SZRD1: variants seen among roughly 807,000 people sequenced by gnomAD.
SZRD1 encodes SUZ RNA binding domain containing 1, also known as SUZ RNA-binding domain-containing.
Under a neutral mutation model 17.6 loss-of-function variants are expected in SZRD1, and 7 were observed. The ratio of observed to expected loss-of-function variants is 0.40; its 90% confidence interval spans 0.23 to 0.75. SZRD1 has a LOEUF of 0.75. SZRD1 is among the 30% of genes least tolerant of loss of function. The pLI is 0.38. For synonymous variants in SZRD1, 77 were observed against 77.9 expected, an observed-to-expected ratio of 0.99 and a Z score of 0.06; for missense variants, 178 against 201.8, an observed-to-expected ratio of 0.88 and a Z score of 0.71.
intron 1 of SZRD1, among the ~76,000 whole-genome samples, chr1:16,390,816 A>G (rs115278510): frequency 1.5e-3 from 235 of 152,230 alleles, no homozygotes; most frequent in African/African-American, 5.5e-3. Context: ...TGCAGGATCA[A>G]TGGGAGTTTG....
intron 1 of SZRD1, among the ~76,000 whole-genome samples, chr1:16,372,128 CTTTTTT>C (rs899042213): frequency 6.8e-6 from 1 of 148,110 alleles, no homozygotes; most frequent in East Asian, 2.0e-4. Context: ...TTTTCTTTTT[CTTTTTT>C]TTTTGAGACA....
intron 1 of SZRD1, among the ~76,000 whole-genome samples, chr1:16,374,492 C>T (rs1166875635): frequency 3.3e-5 from 5 of 152,174 alleles, no homozygotes; most frequent in East Asian, 1.9e-4. Flanking sequence ...CCATGGTTGC[C>T]GTGGGCTAGA....
chr1:16,376,592 G>C lies in SZRD1; in HGVS notation c.51+9284G>C, dbSNP rs60244051. 1.4e-3 allele frequency among the ~76,000 whole-genome samples: 217 copies of C among 152,216 alleles called. 1 individual carries two copies. The highest frequency in any genetic ancestry group is 4.8e-3 in the African/African-American group (198 of 41,542). The stretch of plus-strand genomic sequence containing the variant: ...GGGCCGAGGCAGGCGGATCACTTGA[G>C]GTCAGGAGTTCCAGATCAGCCTGGC... On this transcript the variant is annotated intron_variant, in intron 1 of 3. Coordinates refer to ENST00000401088, the MANE Select transcript of SZRD1 (RefSeq NM_001114600.3).
intron 1 of SZRD1, chr1:16,387,766 A>G: frequency 2.2e-6 from 1 of 449,320 alleles, no homozygotes. Context: ...CTTTAAAACA[A>G]GAAGTTACTT....
In SZRD1 at chr1:16,397,988, C is replaced by G. The variant is rs2085341164; in HGVS notation, c.*2848C>G. 21 of 787,726 alleles carry G rather than the reference C, an allele frequency of 2.7e-5. No homozygotes were observed. The highest frequency in any genetic ancestry group is 3.1e-5 in the Non-Finnish European group (20 of 650,004). 48.8% of individuals were successfully genotyped at this position (787,726 alleles called of 1,614,324 possible). On this transcript the variant is annotated 3_prime_UTR_variant, in exon 4 of 4. Transcript: ENST00000401088. The surrounding 1 kb of genome is among the most constrained non-coding windows in gnomAD (Gnocchi z 5.4). ...CACATGGGCCCCTTGGGTGTCTGAACAGAAGGGCATGGGAGGGAGGGCTGC... is the reference window on the plus strand; with the variant it reads ...CACATGGGCCCCTTGGGTGTCTGAAGAGAAGGGCATGGGAGGGAGGGCTGC...
rs1310322021 is a variant in SZRD1, at chr1:16,373,539, A to G, written c.51+6231A>G. ...GGTTGCGGTGAGCCGAGATTGCACC[A>G]TTGCACTCCAGCCTGGGCAACAAGA... On this transcript the variant is annotated intron_variant, in intron 1 of 3. Transcript: ENST00000401088. Among the ~76,000 whole-genome samples the G allele has an allele frequency of 2.1e-5, 3 of 145,988 alleles. No homozygotes were observed. The East Asian group carries it at 6.3e-4, about 30-fold the overall frequency.
At chr1:16,369,270 G>C (rs775580794) in intron 1 of SZRD1, 1 of 642,998 alleles carries the variant, frequency 1.6e-6, no homozygotes, top group Admixed American at 2.5e-5. Context: ...TATATGTTTT[G>C]GTGAGATATT....
At chr1:16,395,002 C>T in intron 3 of SZRD1, 36 bp from the exon 4 acceptor site, 1 of 1,198,274 alleles carries the variant, frequency 8.3e-7, no homozygotes, top group Non-Finnish European at 1.2e-6. Flanking sequence ...CTATTATATC[C>T]TTCTTCAGGC....
chr1:16,371,447 T>TC (rs2082911527), intron 1 of SZRD1, among the ~76,000 whole-genome samples: 1 of 141,268 alleles, frequency 7.1e-6, no homozygotes, highest in African/African-American at 2.7e-5. Context: ...TCCTTTTTTT[T>TC]CCTTTTTTTT....
At chr1:16,380,142 G>A (rs888117515) in intron 1 of SZRD1, among the ~76,000 whole-genome samples, 4 of 152,068 alleles carry the variant, frequency 2.6e-5, no homozygotes, top group African/African-American at 9.7e-5. Flanking sequence ...ACAGATTAAG[G>A]GTTTTAGAAA....
chr1:16,367,848 C>A (rs1319149206), intron 1 of SZRD1: 5 of 152,810 alleles, frequency 3.3e-5, no homozygotes, highest in African/African-American at 1.2e-4. Flanking sequence ...GTGGACGAGT[C>A]GGGTTTTTTT....
At chr1:16,367,404 AG>A in intron 1 of SZRD1, 96 bp downstream of exon 1, 2 of 1,241,526 alleles carry the variant, frequency 1.6e-6, no homozygotes, top group Non-Finnish European at 2.2e-6. Flanking sequence ...TCCCCAAGGA[AG>A]GGCCCCATAC....
chr1:16,374,454 C>A lies in SZRD1; in HGVS notation c.51+7146C>A, dbSNP rs546352628. Among the ~76,000 whole-genome samples, 13 of 152,326 alleles carry A rather than the reference C, an allele frequency of 8.5e-5. 1 individual carries two copies. The South Asian group carries it at 2.3e-3, about 27-fold the overall frequency. On this transcript the variant is annotated intron_variant, in intron 1 of 3. Transcript: ENST00000401088. ...TTGGCTGCATGGGAGGGCCTGTTCC[C>A]AGCGTGCTCTGGGTATCAAGAGAGC... is the stretch of plus-strand genomic sequence containing the variant.
At chr1:16,386,742 G>T (rs761045389) in intron 1 of SZRD1, among the ~76,000 whole-genome samples, 1 of 152,096 alleles carries the variant, frequency 6.6e-6, no homozygotes, top group Non-Finnish European at 1.5e-5. Context: ...ATCCCATTCT[G>T]TAATCTTATG....
chr1:16,385,404 G>A (rs1448612098), intron 1 of SZRD1, among the ~76,000 whole-genome samples: 1 of 152,116 alleles, frequency 6.6e-6, no homozygotes, highest in Non-Finnish European at 1.5e-5. Flanking sequence ...GTCCCCCAGG[G>A]CATCATCACC....
intron 1 of SZRD1, 46 bp downstream of exon 1, chr1:16,367,354 C>T (rs1472703952): frequency 6.6e-7 from 1 of 1,517,908 alleles, no homozygotes; most frequent in Admixed American, 2.0e-5. Flanking sequence ...CGAGACCTGG[C>T]GTGAGGGGAG....
intron 1 of SZRD1, among the ~76,000 whole-genome samples, chr1:16,378,834 C>G (rs953766968): frequency 5.9e-5 from 9 of 151,984 alleles, no homozygotes; most frequent in Non-Finnish European, 1.2e-4. Context: ...TCAAGTGATT[C>G]TCCTGCCTGA....
chr1:16,388,971 T>C (rs12138174), intron 1 of SZRD1, among the ~76,000 whole-genome samples: 29,014 of 151,898 alleles, frequency 0.19, 3,167 homozygotes, highest in Non-Finnish European at 0.24. Flanking sequence ...CTTAATTCTT[T>C]ACCTGGTCAG....
intron 1 of SZRD1, among the ~76,000 whole-genome samples, chr1:16,377,581 A>G (rs2083026825): frequency 6.6e-6 from 1 of 151,082 alleles, no homozygotes; most frequent in African/African-American, 2.4e-5. Context: ...AAAAAAAAAA[A>G]GCAAGAAAGG....
Sources: allele counts gnomAD v4.1 joint callset (sites outside exome capture counted in the v4.1 genomes callset), GRCh38; gene constraint gnomAD v4.1.1; non-coding constraint Gnocchi (gnomAD v3.1); transcripts MANE v1.5; gene names NCBI Gene and HGNC (gene_info 2026-07-23, HGNC 2026-07-21).